The following RAB41 variants were observed in gnomAD, a reference collection of about 807,000 sequenced individuals.
RAB41 encodes RAB41, member RAS oncogene family, also known as ras-related protein Rab-41.
A neutral mutation model predicts 19.0 loss-of-function variants in RAB41; 15 were observed. That is an observed-to-expected ratio of 0.79 (90% CI 0.53 to 1.21). The LOEUF (loss-of-function observed/expected upper bound fraction) is 1.21, where lower values mean the gene tolerates loss of function less well. Among genes scored for constraint, RAB41 ranks in the 50% most tolerant of loss-of-function variants. The pLI is 0.00. For synonymous variants in RAB41, 73 were observed against 64.7 expected, an observed-to-expected ratio of 1.13 and a Z score of -0.62; for missense variants, 177 against 179.7, an observed-to-expected ratio of 0.99 and a Z score of 0.09.
chrX:70,282,939 A>G, intron 3 of RAB41, 84 bp downstream of exon 3: 2 of 788,765 alleles, frequency 2.5e-6, no homozygotes, highest in Non-Finnish European at 3.9e-6. Flanking sequence ...CATCAAAAAA[A>G]ACTGAAGCCT....
rs748564484 is a variant in RAB41, at chrX:70,283,138, T to C, written c.238-130T>C. On this transcript the variant is annotated intron_variant, in intron 3 of 7. Coordinates refer to ENST00000374473, the MANE Select transcript of RAB41 (RefSeq NM_001363807.1). ...CTATAGGCCATTTGGTCTGAGGCTA[T>C]AGCAGCCACTTCTCAGGGATCCAGT... 1.1e-5 allele frequency: 6 copies of C among 552,908 alleles called. No homozygotes were observed. The South Asian group carries it at 1.8e-4, about 17-fold the overall frequency. The allele number at this position is 552,908 out of a possible 1,213,427, so 45.6% of individuals were successfully genotyped here.
In RAB41 at chrX:70,282,533, T is replaced by C; in HGVS notation, c.125T>C (p.Val42Ala). The change falls in exon 2 of 8, where the codon GTA (valine) becomes GCA (alanine). Residue 42 changes from valine to alanine, a missense_variant and splice_region_variant. Transcript: ENST00000374473. ...SKLLFLGEQS[V>A]GKTSIISRFM... Reference sequence around the variant, plus strand: ...ATTGGCCTGCTTATCTCCCTCACAGTAGGGAAGACATCCATCATCAGCCGC... The same window carrying C: ...ATTGGCCTGCTTATCTCCCTCACAGCAGGGAAGACATCCATCATCAGCCGC... The C allele has an allele frequency of 8.3e-7, 1 of 1,209,705 alleles. No individual in the cohort carries two copies. The highest frequency in any genetic ancestry group is 1.1e-6 in the Non-Finnish European group (1 of 893,830).
chrX:70,284,268 G>A lies in RAB41; in HGVS notation c.552G>A (p.Leu184=). ...TCCCCATTCACACACACACACAGCT[G>A]TTCCGGCGTGTGGCTTCTGCCCTTC... ...SAKTGYNVKK[L]FRRVASALLS... is the part of the protein sequence containing the mutation. The change falls in exon 7 of 8, where the codon CTG becomes CTA. Residue 184 remains leucine, a splice_region_variant and synonymous_variant. Transcript: ENST00000374473. The A allele has an allele frequency of 8.3e-7, 1 of 1,197,764 alleles. No homozygotes were observed. The highest frequency in any genetic ancestry group is 1.1e-6 in the Non-Finnish European group (1 of 890,216).
In RAB41 at chrX:70,282,636, T is replaced by C. The variant is rs150983246; in HGVS notation, c.183+45T>C. On this transcript the variant is annotated intron_variant, in intron 2 of 7. Coordinates refer to ENST00000374473, the MANE Select transcript of RAB41 (RefSeq NM_001363807.1). ...ATATGGTACATTTTTGCCACTCTTCTTGGCGGACTCACCTGGAGATTCTCC... is the reference window on the plus strand; with the variant it reads ...ATATGGTACATTTTTGCCACTCTTCCTGGCGGACTCACCTGGAGATTCTCC... 4.1e-4 allele frequency: 466 copies of C among 1,142,905 alleles called. 3 individuals carry two copies. In the East Asian group the frequency reaches 0.012, roughly 29 times the overall value. The allele number at this position is 1,142,905 out of a possible 1,213,427, so 94.2% of individuals were successfully genotyped here. A position where few individuals can be genotyped will look rare whatever the true frequency, so the allele number is the denominator to read the frequency against.
intron 6 of RAB41, 104 bp downstream of exon 6, chrX:70,284,147 G>A (rs2085704709): frequency 3.1e-6 from 3 of 974,395 alleles, no homozygotes; most frequent in South Asian, 4.2e-5. Flanking sequence ...GTGGGATAGG[G>A]GTCAAGGTTC....
At chrX:70,282,744 G>A in intron 2 of RAB41, 58 bp from the exon 3 acceptor site, 3 of 1,161,182 alleles carry the variant, frequency 2.6e-6, no homozygotes, top group Non-Finnish European at 3.5e-6. Context: ...TGGGTTCTAA[G>A]ACTGCCTCAT....
At position 70,284,334 on chromosome X, in the gene RAB41, C is replaced by T. The variant is rs755654216; in HGVS notation, c.613+5C>T. On this transcript the variant is annotated splice_donor_5th_base_variant and intron_variant, in intron 7 of 7. Transcript: ENST00000374473. ...CACCTCCACCAAAAGAGGGGAGTATCCTTTTTCCTAGCTTTGCTGGGGTAG... is the reference window on the plus strand; with the variant it reads ...CACCTCCACCAAAAGAGGGGAGTATTCTTTTTCCTAGCTTTGCTGGGGTAG... 21 of 1,202,956 alleles carry T rather than the reference C, an allele frequency of 1.7e-5. No individual in the cohort carries two copies. The highest frequency in any genetic ancestry group is 2.1e-5 in the Non-Finnish European group (19 of 891,249).
Position 70,284,037 on chromosome X carries a change from G to A in RAB41, c.543G>A (p.Val181=). The part of the protein sequence containing the change: ...IETSAKTGYN[V]KKLFRRVASA... The stretch of plus-strand genomic sequence containing the variant: ...CCAGTGCCAAAACCGGTTACAACGT[G>A]AAAAAGGTAATACTTGTTTCTTTCT... Residue 181 remains valine (V), a synonymous_variant, in exon 6 of 8, where the codon GTG becomes GTA. Transcript: ENST00000374473. 1 of 1,173,055 alleles carries A rather than the reference G, an allele frequency of 8.5e-7. No homozygotes were observed. The highest frequency in any genetic ancestry group is 1.2e-6 in the Non-Finnish European group (1 of 860,958).
At position 70,284,331 on chromosome X, in the gene RAB41, T is replaced by A. The variant is rs1344544444; in HGVS notation, c.613+2T>A. 1 of 1,205,185 alleles carries A rather than the reference T, an allele frequency of 8.3e-7. No homozygotes were observed. On this transcript the variant is annotated splice_donor_variant, in intron 7 of 7. Transcript: ENST00000374473. LOFTEE classifies it high-confidence loss of function. Reference sequence around the variant, plus strand: ...CTTCACCTCCACCAAAAGAGGGGAGTATCCTTTTTCCTAGCTTTGCTGGGG... The same window carrying A: ...CTTCACCTCCACCAAAAGAGGGGAGAATCCTTTTTCCTAGCTTTGCTGGGG...
At chrX:70,282,932 C>A (rs751631494) in intron 3 of RAB41, 77 bp downstream of exon 3, 2 of 842,186 alleles carry the variant, frequency 2.4e-6, no homozygotes, top group Non-Finnish European at 1.8e-6. Context: ...GTAGCACCAT[C>A]AAAAAAAACT....
rs2085710668 is a variant in RAB41, at chrX:70,284,987, T to C, written c.*344T>C. On this transcript the variant is annotated 3_prime_UTR_variant, in exon 8 of 8. Transcript: ENST00000374473. Reference sequence around the variant, plus strand: ...GTTGTTTACCTACACCCTCAATAAATGGTTCTTTAACCTAAGGCTGTTATT... The same window carrying C: ...GTTGTTTACCTACACCCTCAATAAACGGTTCTTTAACCTAAGGCTGTTATT... The C allele has an allele frequency of 8.4e-6, 2 of 237,559 alleles. No individual in the cohort carries two copies. Among genetic ancestry groups the C allele is most frequent in the South Asian group, 9.0e-5 (1 of 11,088 alleles). 19.6% of individuals were successfully genotyped at this position (237,559 alleles called of 1,213,427 possible). A position where few individuals can be genotyped will look rare whatever the true frequency, so the allele number is the denominator to read the frequency against.
Position 70,283,337 on chromosome X carries a change from G to C in RAB41, c.307G>C (p.Asp103His), listed in dbSNP as rs765986108. Reference protein sequence around the residue: ...FHSLIPSYIRDSTIAVVVYDI... With the variant: ...FHSLIPSYIRHSTIAVVVYDI... ...CAGCCTAATTCCTAGCTACATTCGT[G>C]ATTCAACTATTGCAGTGGTTGTCTA... The change falls in exon 4 of 8, where the codon GAT (aspartate) becomes CAT (histidine). Residue 103 changes from aspartate to histidine, a missense_variant. Transcript: ENST00000374473. The C allele has an allele frequency of 8.3e-7, 1 of 1,209,780 alleles. No individual in the cohort carries two copies. Among genetic ancestry groups the C allele is most frequent in the East Asian group, 3.0e-5 (1 of 33,855 alleles).
chrX:70,284,537 G>A, intron 7 of RAB41, 51 bp from the exon 8 acceptor site: 1 of 1,095,885 alleles, frequency 9.1e-7, no homozygotes. Context: ...TGGGTGTTAA[G>A]ATTTGACTCC....
intron 4 of RAB41, 24 bp from the exon 5 acceptor site, chrX:70,283,489 G>A (rs1204425127): frequency 8.7e-6 from 10 of 1,153,048 alleles, no homozygotes; most frequent in South Asian, 3.6e-5. Flanking sequence ...ATGTTTCAAC[G>A]CTCTGGAACA....
In RAB41 at chrX:70,283,762, AG is replaced by A. The variant is rs766269743; in HGVS notation, c.455+144del. 200 of 543,811 alleles carry A rather than the reference AG, an allele frequency of 3.7e-4. No individual in the cohort carries two copies. The African/African-American group carries it at 4.3e-3, about 12-fold the overall frequency. The allele number at this position is 543,811 out of a possible 1,213,427, so 44.8% of individuals were successfully genotyped here. A position where few individuals can be genotyped will look rare whatever the true frequency, so the allele number is the denominator to read the frequency against. ...ACCAGCACTGCAGGATGGGAAGGAC[AG>A]GGGGGCGTCCCATCAGGGCACAAGG... On this transcript the variant is annotated intron_variant, in intron 5 of 7. Coordinates refer to ENST00000374473, the MANE Select transcript of RAB41 (RefSeq NM_001363807.1).
rs774624394 is a variant in RAB41, at chrX:70,282,577, G to T, written c.169G>T (p.Gly57Cys). The T allele has an allele frequency of 8.3e-7, 1 of 1,208,001 alleles. No individual in the cohort carries two copies. The highest frequency in any genetic ancestry group is 3.0e-5 in the East Asian group (1 of 33,743). ...CAGCCGCTTCATGTACAACAGCTTC[G>T]GCTGCGCCTGCCAGGTAAGACCACC... The part of the protein sequence containing the change: ...IISRFMYNSF[G>C]CACQATVGID... Residue 57 changes from glycine to cysteine, a missense_variant, in exon 2 of 8, where the codon GGC (glycine) becomes TGC (cysteine). By Grantham distance (159) the Gly-to-Cys change is radical. Coordinates refer to ENST00000374473, the MANE Select transcript of RAB41 (RefSeq NM_001363807.1).
chrX:70,284,412 G>T, intron 7 of RAB41, 83 bp downstream of exon 7: 1 of 1,044,571 alleles, frequency 9.6e-7, no homozygotes, highest in Middle Eastern at 2.5e-4. Flanking sequence ...TGCCTGAGTG[G>T]TACCTAAGGG....
At chrX:70,282,506 C>A (rs761236693) in intron 1 of RAB41, 27 bp from the exon 2 acceptor site, 3 of 1,204,341 alleles carry the variant, frequency 2.5e-6, no homozygotes, top group Admixed American at 4.3e-5. Context: ...CTGAGGGCGA[C>A]GATTGGCCTG....
chrX:70,282,515 T>G lies in RAB41; in HGVS notation c.125-18T>G. Reference sequence around the variant, plus strand: ...AGGGCACTGAGGGCGACGATTGGCCTGCTTATCTCCCTCACAGTAGGGAAG... The same window carrying G: ...AGGGCACTGAGGGCGACGATTGGCCGGCTTATCTCCCTCACAGTAGGGAAG... On this transcript the variant is annotated intron_variant, in intron 1 of 7. Coordinates refer to ENST00000374473, the MANE Select transcript of RAB41 (RefSeq NM_001363807.1). The G allele has an allele frequency of 3.3e-6, 4 of 1,208,809 alleles. No individual in the cohort carries two copies. Among genetic ancestry groups the G allele is most frequent in the Non-Finnish European group, 4.5e-6 (4 of 892,957 alleles).
Sources: gnomAD v4.1 joint callset for allele counts on GRCh38, gnomAD v4.1.1 for gene constraint, MANE v1.5 for transcripts, NCBI Gene and HGNC (gene_info 2026-07-23, HGNC 2026-07-21) for gene names.